The following PAK5 variants were observed in gnomAD, a reference collection of about 807,000 sequenced individuals.
The protein encoded by PAK5 is p21 (RAC1) activated kinase 5, also known as serine/threonine-protein kinase PAK 5.
PAK5 carries 16 observed loss-of-function variants against 65.9 expected under a neutral mutation model. The ratio of observed to expected loss-of-function variants is 0.24; its 90% confidence interval spans 0.16 to 0.37. PAK5 has a LOEUF of 0.37. Among genes scored for constraint, PAK5 ranks in the 10% least tolerant of loss-of-function variants. The pLI is 1.00. For synonymous variants in PAK5, 371 were observed against 354.9 expected (o/e 1.05, Z -0.51); for missense variants, 785 against 903.9 (o/e 0.87, Z 1.69).
At chr20:9,805,206 C>T (rs1409121757) in intron 1 of PAK5, among the ~76,000 whole-genome samples, 3 of 151,968 alleles carry the variant, frequency 2.0e-5, no homozygotes, top group East Asian at 3.9e-4. Flanking sequence ...TGGCTAGAAT[C>T]GAATAGTCAG....
At chr20:9,725,903 A>G (rs1013255349) in intron 1 of PAK5, among the ~76,000 whole-genome samples, 3 of 152,196 alleles carry the variant, frequency 2.0e-5, no homozygotes, top group African/African-American at 4.8e-5. Context: ...ATAACAAATT[A>G]TGACTCCAAA....
chr20:9,713,297 C>A (rs2048100532), intron 1 of PAK5, among the ~76,000 whole-genome samples: 1 of 151,840 alleles, frequency 6.6e-6, no homozygotes, highest in African/African-American at 2.4e-5. Flanking sequence ...AAATGCAAAT[C>A]AAAACCACAA....
At chr20:9,591,377 C>T (rs1014604089) in intron 3 of PAK5, among the ~76,000 whole-genome samples, 6 of 152,100 alleles carry the variant, frequency 3.9e-5, no homozygotes, top group African/African-American at 1.2e-4. Context: ...CCCAGAAAGA[C>T]AAGCTCCAAA....
At chr20:9,783,172 G>A (rs2048960267) in intron 1 of PAK5, among the ~76,000 whole-genome samples, 1 of 152,016 alleles carries the variant, frequency 6.6e-6, no homozygotes, top group South Asian at 2.1e-4. Flanking sequence ...CCGACCTCCG[G>A]TGATGCACCC....
chr20:9,553,574 A>G (rs59171407), intron 7 of PAK5, among the ~76,000 whole-genome samples: 27,287 of 147,322 alleles, frequency 0.19, 3,074 homozygotes, highest in African/African-American at 0.32. Context: ...GTGTGTGTGT[A>G]TATATATAAA....
intron 1 of PAK5, among the ~76,000 whole-genome samples, chr20:9,753,247 G>A (rs1461861876): frequency 6.6e-6 from 1 of 152,104 alleles, no homozygotes; most frequent in Admixed American, 6.6e-5. Flanking sequence ...GTTACAGTGG[G>A]AAAGTAAAGA....
Position 9,580,788 on chromosome 20 carries a change from C to A in PAK5, c.347G>T (p.Gly116Val). 6.2e-7 allele frequency: 1 copy of A among 1,613,870 alleles called. No homozygotes were observed. The highest frequency in any genetic ancestry group is 1.7e-5 in the Admixed American group (1 of 60,006). The change falls in exon 4 of 10, where the codon GGT (glycine) becomes GTT (valine). Residue 116 changes from glycine to valine, a missense_variant. Physicochemically the swap from Gly to Val is moderately radical, Grantham distance 109. Around this residue, in one of 4 missense-constraint regions of PAK5, gnomAD observed 422 missense variants for 413.3 expected, o/e 1.02. Coordinates refer to ENST00000353224, the MANE Select transcript of PAK5 (RefSeq NM_177990.4). ...GCCATTTTCTTCCGCGTGGCCTGGA[C>A]CGTGGCTGGAGGCTCCCTGATCTGG... ...PTPDQGASSH[G>V]PGHAEENGFI...
rs1377138490 is a variant in PAK5, at chr20:9,558,045, T to TTTATTCATTCAG, written c.1617-312_1617-311insCTGAATGAATAA. ...ATTTATTTATTTATTTATTTATTTA[T>TTTATTCATTCAG]TCATTCATTCATTCATTCATTCATT... On this transcript the variant is annotated intron_variant, in intron 6 of 9. Transcript: ENST00000353224. Among the ~76,000 whole-genome samples the TTTATTCATTCAG allele has an allele frequency of 5.3e-5, 8 of 151,468 alleles. No individual in the cohort carries two copies. In the East Asian group the frequency reaches 1.6e-3, roughly 29 times the overall value.
intron 1 of PAK5, among the ~76,000 whole-genome samples, chr20:9,756,953 G>A (rs966961038): frequency 1.3e-5 from 2 of 152,176 alleles, no homozygotes; most frequent in Non-Finnish European, 2.9e-5. Context: ...ATGGCAGAAA[G>A]AGAGCTACTG....
chr20:9,695,958 C>A (rs1250778984), intron 2 of PAK5, among the ~76,000 whole-genome samples: 1 of 151,850 alleles, frequency 6.6e-6, no homozygotes, highest in African/African-American at 2.4e-5. Context: ...TTCCTAGTAG[C>A]CACATTAAAA....
rs34591396 is a variant in PAK5, at chr20:9,838,205, GCA to G, written c.-162+555_-162+556del. On this transcript the variant is annotated intron_variant, in intron 1 of 9. Coordinates refer to ENST00000353224, the MANE Select transcript of PAK5 (RefSeq NM_177990.4). The surrounding 1 kb of genome is among the most constrained non-coding windows in gnomAD (Gnocchi z 4.5). ...GGCGCGCGCGCACACACACACGCGC[GCA>G]CACACACACACACACAAATAACAAA... Among the ~76,000 whole-genome samples the G allele has an allele frequency of 8.6e-5, 13 of 150,566 alleles. No homozygotes were observed. The highest frequency in any genetic ancestry group is 7.0e-3 in the Middle Eastern group (2 of 286).
chr20:9,689,761 G>A (rs2047767336), intron 2 of PAK5, among the ~76,000 whole-genome samples: 1 of 152,200 alleles, frequency 6.6e-6, no homozygotes, highest in African/African-American at 2.4e-5. Flanking sequence ...TGGTATTAGA[G>A]TGAGAAGAAG....
intron 1 of PAK5, among the ~76,000 whole-genome samples, chr20:9,804,488 G>C (rs1187549071): frequency 6.6e-6 from 1 of 152,136 alleles, no homozygotes; most frequent in Non-Finnish European, 1.5e-5. Flanking sequence ...TCAACAAATG[G>C]TGCTGAGACA....
chr20:9,680,872 T>C (rs988653953), intron 2 of PAK5, among the ~76,000 whole-genome samples: 1 of 152,240 alleles, frequency 6.6e-6, no homozygotes, highest in African/African-American at 2.4e-5. Flanking sequence ...AAATATTTTA[T>C]GTCCACTTCA....
At chr20:9,655,336 G>A (rs912279230) in intron 2 of PAK5, among the ~76,000 whole-genome samples, 6 of 151,644 alleles carry the variant, frequency 4.0e-5, no homozygotes, top group Non-Finnish European at 5.9e-5. Context: ...CTATTTGTTT[G>A]TGTTATCCCT....
intron 3 of PAK5, among the ~76,000 whole-genome samples, chr20:9,615,607 A>G (rs1021593597): frequency 6.6e-6 from 1 of 152,234 alleles, no homozygotes; most frequent in African/African-American, 2.4e-5. Flanking sequence ...AAGAAGTAAA[A>G]ACTATAACAA....
At chr20:9,740,851 C>T (rs1423448413) in intron 1 of PAK5, among the ~76,000 whole-genome samples, 3 of 152,228 alleles carry the variant, frequency 2.0e-5, no homozygotes, top group Non-Finnish European at 4.4e-5. Context: ...TGTTATGCAG[C>T]ATGACTGCAG....
At chr20:9,754,141 G>C (rs2048606828) in intron 1 of PAK5, among the ~76,000 whole-genome samples, 1 of 152,072 alleles carries the variant, frequency 6.6e-6, no homozygotes, top group Non-Finnish European at 1.5e-5. Flanking sequence ...TTTTTACTTT[G>C]TTGGTAACCA....
chr20:9,563,073 T>C (rs762235565), intron 5 of PAK5, 49 bp from the exon 6 acceptor site: 2 of 1,578,198 alleles, frequency 1.3e-6, no homozygotes, highest in Admixed American at 3.4e-5. Flanking sequence ...GAAGTTGCTT[T>C]TTGTTCTCTT....
Sources: gnomAD v4.1 joint callset for allele counts (sites outside exome capture counted in the v4.1 genomes callset) on GRCh38, gnomAD v4.1.1 for gene constraint, gnomAD v4.1.1 regional missense constraint, Gnocchi (gnomAD v3.1) non-coding constraint, MANE v1.5 for transcripts, NCBI Gene and HGNC (gene_info 2026-07-23, HGNC 2026-07-21) for gene names.